DGKB: variants seen among roughly 807,000 people sequenced by gnomAD.
DGKB encodes the protein 90 kDa diacylglycerol kinase.
Under a neutral mutation model 114.3 loss-of-function variants are expected in DGKB, and 67 were observed. The ratio of observed to expected loss-of-function variants is 0.59; its 90% CI spans 0.48 to 0.72. DGKB has a LOEUF of 0.72. Ranked by LOEUF, DGKB falls within the 30% of genes least tolerant of loss-of-function variation. The pLI, the probability that DGKB is intolerant of heterozygous loss-of-function variation, is 0.00. For synonymous variants in DGKB, 398 were observed against 323.1 expected (o/e 1.23, Z -2.49); for missense variants, 907 against 975.2 (o/e 0.93, Z 0.93).
chr7:14,781,400 T>C (rs893789690), intron 2 of DGKB, among the ~76,000 whole-genome samples: 1 of 152,148 alleles, frequency 6.6e-6, no homozygotes, highest in Non-Finnish European at 1.5e-5. Context: ...ACATCCAACA[T>C]CTTTGAGTAT....
intron 9 of DGKB, among the ~76,000 whole-genome samples, chr7:14,689,716 C>T (rs1483753200): frequency 6.6e-6 from 1 of 152,144 alleles, no homozygotes; most frequent in African/African-American, 2.4e-5. Flanking sequence ...AGTTTTGTAA[C>T]TGCTTTCTAC....
intron 20 of DGKB, among the ~76,000 whole-genome samples, chr7:14,521,302 A>G (rs1263794165): frequency 6.6e-6 from 1 of 152,152 alleles, no homozygotes; most frequent in Non-Finnish European, 1.5e-5. Flanking sequence ...AAAACAAGCA[A>G]TAGAGAAACA....
chr7:14,820,427 A>AC (rs966161870), intron 2 of DGKB, among the ~76,000 whole-genome samples: 4 of 152,130 alleles, frequency 2.6e-5, no homozygotes, highest in Non-Finnish European at 5.9e-5. Flanking sequence ...ATCCTATGCA[A>AC]CCCCTGGCAA....
intron 23 of DGKB, among the ~76,000 whole-genome samples, chr7:14,251,404 C>T (rs1000282259): frequency 6.6e-6 from 1 of 152,026 alleles, no homozygotes; most frequent in African/African-American, 2.4e-5. Flanking sequence ...TTACTTCTCC[C>T]ACATTTTATG....
At chr7:14,395,718 G>A (rs909569402) in intron 21 of DGKB, among the ~76,000 whole-genome samples, 7 of 151,632 alleles carry the variant, frequency 4.6e-5, no homozygotes, top group African/African-American at 1.4e-4. Flanking sequence ...CCATTTTTAG[G>A]TTCCATTAAT....
At chr7:14,652,514 G>A (rs1019043714) in intron 13 of DGKB, among the ~76,000 whole-genome samples, 2 of 151,944 alleles carry the variant, frequency 1.3e-5, no homozygotes, top group Non-Finnish European at 1.5e-5. Flanking sequence ...ATGGATTAAA[G>A]ACTTAAACGT....
At chr7:14,802,618 A>C (rs1167643916) in intron 2 of DGKB, among the ~76,000 whole-genome samples, 1 of 152,174 alleles carries the variant, frequency 6.6e-6, no homozygotes, top group African/African-American at 2.4e-5. Flanking sequence ...CCTATTAGAA[A>C]TATTTCAAAT....
chr7:14,942,758 T>C (rs1160413046), intron 1 of DGKB, among the ~76,000 whole-genome samples: 1 of 152,064 alleles, frequency 6.6e-6, no homozygotes, highest in East Asian at 1.9e-4. Context: ...AATTCCTTAT[T>C]TAATTTAGTC....
chr7:14,775,046 A>C (rs917896153), intron 2 of DGKB, among the ~76,000 whole-genome samples: 1 of 152,166 alleles, frequency 6.6e-6, no homozygotes, highest in Admixed American at 6.5e-5. Context: ...TCTACCTGGA[A>C]ATGACTACTA....
At chr7:14,597,296 A>G (rs1280897647) in intron 17 of DGKB, among the ~76,000 whole-genome samples, 1 of 152,214 alleles carries the variant, frequency 6.6e-6, no homozygotes, top group Non-Finnish European at 1.5e-5. Flanking sequence ...CATCAAGAAG[A>G]GATAAGTAAA....
chr7:14,586,555 T>C (rs534681070), intron 17 of DGKB, among the ~76,000 whole-genome samples: 17 of 152,242 alleles, frequency 1.1e-4, no homozygotes, highest in African/African-American at 4.1e-4. Flanking sequence ...GTAGACAACA[T>C]AGCCTTCTAA....
At chr7:14,571,219 T>A (rs960987535) in intron 20 of DGKB, among the ~76,000 whole-genome samples, 1 of 152,226 alleles carries the variant, frequency 6.6e-6, no homozygotes, top group East Asian at 1.9e-4. Context: ...ATTAGTGATA[T>A]TTCAGATTTG....
chr7:14,797,459 G>A (rs1841556463), intron 2 of DGKB, among the ~76,000 whole-genome samples: 1 of 152,054 alleles, frequency 6.6e-6, no homozygotes, highest in South Asian at 2.1e-4. Flanking sequence ...TTATCCAGAA[G>A]GGCTACAAAT....
intron 23 of DGKB, among the ~76,000 whole-genome samples, chr7:14,330,731 T>C (rs1809581434): frequency 6.6e-6 from 1 of 151,966 alleles, no homozygotes; most frequent in African/African-American, 2.4e-5. Context: ...AGTGGCTCAG[T>C]TCCTCCAAAA....
chr7:14,688,170 T>C, intron 9 of DGKB, among the ~76,000 whole-genome samples: 1 of 151,222 alleles, frequency 6.6e-6, no homozygotes, highest in East Asian at 1.9e-4. Flanking sequence ...AAAGAATCTG[T>C]CCCTTCTTTC....
At chr7:14,650,030 C>T (rs1814081404) in intron 13 of DGKB, among the ~76,000 whole-genome samples, 1 of 151,862 alleles carries the variant, frequency 6.6e-6, no homozygotes, top group Non-Finnish European at 1.5e-5. Context: ...GACTTAGACT[C>T]CCACGCATTA....
At chr7:14,218,586 A>C (rs1789390457) in intron 23 of DGKB, among the ~76,000 whole-genome samples, 1 of 152,044 alleles carries the variant, frequency 6.6e-6, no homozygotes, top group Admixed American at 6.6e-5. Context: ...TTTGAAAGTG[A>C]ATCCTGCCTA....
chr7:14,897,896 G>C (rs1282283042), intron 1 of DGKB, among the ~76,000 whole-genome samples: 1 of 151,922 alleles, frequency 6.6e-6, no homozygotes, highest in Non-Finnish European at 1.5e-5. Context: ...TAGAATTAGA[G>C]CCTGTAATAC....
At chr7:14,911,081 T>C (rs1306688834) in intron 1 of DGKB, among the ~76,000 whole-genome samples, 1 of 152,024 alleles carries the variant, frequency 6.6e-6, no homozygotes, top group African/African-American at 2.4e-5. Context: ...TTAATCTTAA[T>C]ATATATATAT....
Sources: allele counts gnomAD v4.1 joint callset (sites outside exome capture counted in the v4.1 genomes callset), GRCh38; gene constraint gnomAD v4.1.1; transcripts MANE v1.5; gene names NCBI Gene and HGNC (gene_info 2026-07-23, HGNC 2026-07-21).